Variants in STOX2 observed in about 807,000 individuals in gnomAD.
STOX2 encodes storkhead-box protein 2.
Under a neutral mutation model 60.9 loss-of-function variants are expected in STOX2, and 28 were observed. That is an observed-to-expected ratio of 0.46 (90% CI 0.34 to 0.63). STOX2 has a LOEUF of 0.63. Among genes scored for constraint, STOX2 ranks in the 30% least tolerant of loss-of-function variants. STOX2 has a pLI of 0.01. For synonymous variants in STOX2, 472 were observed against 463.9 expected, an observed-to-expected ratio of 1.02 and a Z score of -0.22; for missense variants, 1,024 against 1,187.7, an observed-to-expected ratio of 0.86 and a Z score of 2.03.
intron 1 of STOX2, among the ~76,000 whole-genome samples, chr4:183,807,241 G>A (rs1353906620): frequency 6.6e-6 from 1 of 152,128 alleles, no homozygotes; most frequent in Non-Finnish European, 1.5e-5. Context: ...CAAAGTGCTG[G>A]GATTACAGGC....
intron 1 of STOX2, among the ~76,000 whole-genome samples, chr4:183,908,036 T>C (rs1015220437): frequency 1.3e-5 from 2 of 152,246 alleles, no homozygotes; most frequent in Non-Finnish European, 2.9e-5. Flanking sequence ...CTAGCTTTAC[T>C]CTTTTTCTCC....
At chr4:183,972,133 A>G (rs1378657437) in intron 1 of STOX2, among the ~76,000 whole-genome samples, 2 of 152,210 alleles carry the variant, frequency 1.3e-5, no homozygotes, top group African/African-American at 4.8e-5. Flanking sequence ...ACAGCGGCGT[A>G]GGGCTGGGCA....
intron 1 of STOX2, among the ~76,000 whole-genome samples, chr4:183,914,958 T>A (rs1474508499): frequency 6.6e-6 from 1 of 152,234 alleles, no homozygotes; most frequent in Non-Finnish European, 1.5e-5. Context: ...AAAACAGAGC[T>A]CTGCAAGTAG....
At chr4:183,921,222 A>C (rs1742091263) in intron 1 of STOX2, among the ~76,000 whole-genome samples, 1 of 152,262 alleles carries the variant, frequency 6.6e-6, no homozygotes. Flanking sequence ...AAAATGACAG[A>C]ACTGGGGGCA....
At chr4:183,840,819 T>G (rs1288836792) in intron 1 of STOX2, among the ~76,000 whole-genome samples, 1 of 152,234 alleles carries the variant, frequency 6.6e-6, no homozygotes, top group Non-Finnish European at 1.5e-5. Context: ...TAGTGTGTTC[T>G]TAGAGACACT....
chr4:183,919,183 C>T (rs1054870613), intron 1 of STOX2, among the ~76,000 whole-genome samples: 2 of 152,190 alleles, frequency 1.3e-5, no homozygotes, highest in African/African-American at 4.8e-5. Context: ...ATGGTGTACG[C>T]TGCTTGATGT....
intron 1 of STOX2, among the ~76,000 whole-genome samples, chr4:183,855,302 G>A (rs538640943): frequency 3.9e-5 from 6 of 152,152 alleles, no homozygotes; most frequent in Admixed American, 2.6e-4. Context: ...AGCCCATGCC[G>A]TTTTTTAAAT....
intron 1 of STOX2, among the ~76,000 whole-genome samples, chr4:183,930,501 CTT>C (rs57299957): frequency 4.1e-5 from 6 of 146,154 alleles, no homozygotes; most frequent in African/African-American, 1.5e-4. Flanking sequence ...CACCATGCCC[CTT>C]TTTTTTTTGT....
chr4:183,877,878 C>T (rs1386364538), intron 1 of STOX2, among the ~76,000 whole-genome samples: 2 of 151,980 alleles, frequency 1.3e-5, no homozygotes, highest in African/African-American at 2.4e-5. Flanking sequence ...TTAGTAGAGA[C>T]GGGGTCTCAC....
At chr4:183,882,853 C>A (rs1487701534) in intron 1 of STOX2, among the ~76,000 whole-genome samples, 9 of 152,216 alleles carry the variant, frequency 5.9e-5, no homozygotes, top group Admixed American at 2.0e-4. Context: ...ACTGCAATTT[C>A]CCACCTCTTG....
In STOX2 at chr4:184,010,017, T is replaced by G; in HGVS notation, c.1179T>G (p.Ala393=). Residue 393 remains alanine, a synonymous_variant, in exon 3 of 4, where the codon GCT becomes GCG. Transcript: ENST00000308497. This position sits in a 1 kb window ranked among gnomAD's most constrained non-coding sequence, Gnocchi z 4.5. ...PSDGSHLDIP[A]EREYDFCDPL... ...ACGGTTCACATCTGGATATCCCAGC[T>G]GAAAGAGAGTATGACTTTTGTGATC... 1 of 1,613,872 alleles carries G rather than the reference T, an allele frequency of 6.2e-7. No homozygotes were observed.
chr4:184,007,028 A>C lies in STOX2; in HGVS notation c.320-2130A>C, dbSNP rs868586187. ...GAGACTCTGTCTCAAAAAAAAAAAAAAAAACAAAACAAAAAAAAAATTTTG... is the reference window on the plus strand; with the variant it reads ...GAGACTCTGTCTCAAAAAAAAAAAACAAAACAAAACAAAAAAAAAATTTTG... On this transcript the variant is annotated intron_variant, in intron 2 of 3. Transcript: ENST00000308497. Among the ~76,000 whole-genome samples the C allele has an allele frequency of 6.0e-3, 778 of 129,828 alleles. 34 individuals carry two copies. The highest frequency in any genetic ancestry group is 9.7e-3 in the African/African-American group (269 of 27,770). 85.2% of individuals were successfully genotyped at this position (129,828 alleles called of 152,430 possible). A position where few individuals can be genotyped will look rare whatever the true frequency, so the allele number is the denominator to read the frequency against.
intron 1 of STOX2, among the ~76,000 whole-genome samples, chr4:183,824,457 G>C (rs879542783): frequency 1.3e-5 from 2 of 152,006 alleles, no homozygotes; most frequent in African/African-American, 4.8e-5. Flanking sequence ...GAAATGGAAC[G>C]GCCAGCCATC....
At chr4:183,882,572 C>T (rs967919382) in intron 1 of STOX2, among the ~76,000 whole-genome samples, 10 of 152,198 alleles carry the variant, frequency 6.6e-5, no homozygotes, top group Admixed American at 5.9e-4. Context: ...ATATCTTTCT[C>T]CCAACATTTA....
chr4:183,855,841 G>C (rs946607902), intron 1 of STOX2, among the ~76,000 whole-genome samples: 1 of 152,212 alleles, frequency 6.6e-6, no homozygotes, highest in Non-Finnish European at 1.5e-5. Flanking sequence ...GGCAAGTGCA[G>C]GCCCTTCACT....
Position 184,011,365 on chromosome 4 carries a change from C to T in STOX2, c.2527C>T (p.Arg843Trp), listed in dbSNP as rs372105625. Residue 843 changes from arginine to tryptophan, a missense_variant, in exon 3 of 4, where the codon CGG becomes TGG. By Grantham distance (101) the Arg-to-Trp change is moderately radical. Around this residue, in one of 3 missense-constraint regions of STOX2, gnomAD observed 922 missense variants for 1,058.3 expected, o/e 0.87. Transcript: ENST00000308497. This position sits in a 1 kb window ranked among gnomAD's most constrained non-coding sequence, Gnocchi z 4.4. ...SSNQRATHSA[R>W]LDSMDSSSIT... ...CAACCAGAGAGCCACCCATTCAGCC[C>T]GGCTCGACAGCATGGACAGCAGCAG... 1.7e-5 allele frequency: 28 copies of T among 1,613,740 alleles called. No homozygotes were observed. The highest frequency in any genetic ancestry group is 3.3e-4 in the Middle Eastern group (2 of 6,084).
intron 1 of STOX2, among the ~76,000 whole-genome samples, chr4:183,798,394 G>A (rs1738680886): frequency 1.3e-5 from 2 of 151,274 alleles, no homozygotes; most frequent in Non-Finnish European, 3.0e-5. Context: ...GCGCGTGAGT[G>A]TCCCCCTCCC....
intron 1 of STOX2, among the ~76,000 whole-genome samples, chr4:183,950,941 C>T (rs571319613): frequency 3.9e-5 from 6 of 152,094 alleles, no homozygotes; most frequent in African/African-American, 1.4e-4. Flanking sequence ...TGCGGCCGGG[C>T]GCGGTGGCTC....
chr4:183,898,947 C>T (rs923051488), intron 1 of STOX2, among the ~76,000 whole-genome samples: 10 of 152,182 alleles, frequency 6.6e-5, no homozygotes, highest in South Asian at 4.1e-4. Context: ...TTTCTGTCAA[C>T]GCTGTGGTGA....
Sources: gnomAD v4.1 joint callset for allele counts (sites outside exome capture counted in the v4.1 genomes callset) on GRCh38, gnomAD v4.1.1 for gene constraint, gnomAD v4.1.1 regional missense constraint, Gnocchi (gnomAD v3.1) non-coding constraint, MANE v1.5 for transcripts, NCBI Gene and HGNC (gene_info 2026-07-23, HGNC 2026-07-21) for gene names.